FBLN2: variants seen among roughly 807,000 people sequenced by gnomAD.
FBLN2 encodes fibulin 2, also known as fibulin-2.
In FBLN2, 81 loss-of-function variants were observed where a neutral mutation model predicts 123.7. That is an observed-to-expected ratio of 0.65 (90% CI 0.55 to 0.79). FBLN2 has a LOEUF of 0.79. Ranked by LOEUF, FBLN2 falls within the 30% of genes least tolerant of loss-of-function variation. FBLN2 has a pLI of 0.00. For synonymous variants in FBLN2, 699 were observed against 701.4 expected (o/e 1.00, Z 0.05); for missense variants, 1,603 against 1,681.3 (o/e 0.95, Z 0.81).
At chr3:13,617,201 T>TCTACCTAC (rs1248464942) in intron 5 of FBLN2, among the ~76,000 whole-genome samples, 2 of 150,364 alleles carry the variant, frequency 1.3e-5, no homozygotes, top group South Asian at 4.2e-4. Context: ...CATCCATCCA[T>TCTACCTAC]CTACCTACCT....
chr3:13,582,497 T>C (rs1704364916), intron 2 of FBLN2, among the ~76,000 whole-genome samples: 1 of 152,202 alleles, frequency 6.6e-6, no homozygotes, highest in African/African-American at 2.4e-5. Context: ...CAGAATTGTG[T>C]GGGCTGGGGC....
At chr3:13,612,294 CCTTTCTTTCTTTCTTTCTTTCTTTCTTT>C (rs67522122) in intron 4 of FBLN2, among the ~76,000 whole-genome samples, 3 of 117,284 alleles carry the variant, frequency 2.6e-5, no homozygotes, top group East Asian at 2.3e-4. Flanking sequence ...CTTTTATTTT[CCTTTCTTTCTTTCTTTCTTTCTTTCTTT>C]CTTTCTTTCT....
intron 5 of FBLN2, among the ~76,000 whole-genome samples, chr3:13,616,817 C>T (rs1382492616): frequency 6.6e-6 from 1 of 152,180 alleles, no homozygotes; most frequent in Non-Finnish European, 1.5e-5. Context: ...CCAGCACAAC[C>T]CTGGGAGATG....
rs1265657057 is a variant in FBLN2 at position 13,558,564 on chromosome 3, T to G, written c.-42+9356T>G. On this transcript the variant is annotated intron_variant, in intron 1 of 17. Transcript: ENST00000404922. The stretch of plus-strand genomic sequence containing the variant: ...GAAGGCCCTTCTGGGATACTCACAT[T>G]CATAATTCATCCCATCCTCTCTGCC... Among the ~76,000 whole-genome samples the G allele has an allele frequency of 5.9e-5, 9 of 152,104 alleles. No homozygotes were observed. In the South Asian group the frequency reaches 1.7e-3, roughly 28 times the overall value.
At chr3:13,632,688 G>A (rs1706296988) in intron 16 of FBLN2, among the ~76,000 whole-genome samples, 1 of 152,144 alleles carries the variant, frequency 6.6e-6, no homozygotes, top group South Asian at 2.1e-4. Context: ...TGCACAAGGA[G>A]TCCTTTGTGT....
Position 13,630,806 on chromosome 3 carries a change from A to T in FBLN2, c.3076A>T (p.Thr1026Ser). 6.2e-7 allele frequency: 1 copy of T among 1,600,360 alleles called. No homozygotes were observed. Among genetic ancestry groups the T allele is most frequent in the South Asian group, 1.1e-5 (1 of 88,484 alleles). ...QGYQLAEDGH[T>S]CTDIDECAQG... ...CTACCAGCTGGCTGAGGATGGGCAC[A>T]CCTGCACAGGTACCTCTCCCCTGTC... The change falls in exon 15 of 18, where the codon ACC becomes TCC. Residue 1026 changes from threonine to serine, a missense_variant. Thr to Ser is a moderately conservative substitution (Grantham distance 58). Transcript: ENST00000404922.
chr3:13,571,512 A>G lies in FBLN2; in HGVS notation c.1157A>G (p.His386Arg), dbSNP rs1322985954. The G allele has an allele frequency of 6.2e-7, 1 of 1,613,544 alleles. No individual in the cohort carries two copies. Among genetic ancestry groups the G allele is most frequent in the African/African-American group, 1.3e-5 (1 of 74,918 alleles). ...AGGGACCCAGTCAAGCCCAGCCCCC[A>G]CAACATCCTGTCCACATCACTGCCT... ...SPRDPVKPSP[H>R]NILSTSLPDA... The change falls in exon 2 of 18, where the codon CAC becomes CGC. Residue 386 changes from histidine (H) to arginine (R), a missense_variant. Transcript: ENST00000404922.
chr3:13,551,621 G>T (rs990559443), intron 1 of FBLN2, among the ~76,000 whole-genome samples: 4 of 152,130 alleles, frequency 2.6e-5, no homozygotes, highest in Non-Finnish European at 4.4e-5. Flanking sequence ...CCTTGGCCGT[G>T]GGGGGAGTGC....
In FBLN2 at chr3:13,571,266, T is replaced by A. The variant is rs1173691195; in HGVS notation, c.911T>A (p.Leu304Gln). 7.0e-6 allele frequency: 11 copies of A among 1,569,148 alleles called. 1 individual carries two copies. In the South Asian group the frequency reaches 8.2e-5, roughly 12 times the overall value. The change falls in exon 2 of 18, where the codon CTG becomes CAG. Residue 304 changes from leucine (L) to glutamine (Q), a missense_variant. Coordinates refer to ENST00000404922, the MANE Select transcript of FBLN2 (RefSeq NM_001004019.2). ...EQLAAGGHRG[L>Q]DGLPTTAPAG... ...CTGGCAGCAGGTGGCCACAGGGGGC[T>A]GGATGGGCTGCCCACTACAGCCCCA...
rs1034334604 is a variant in FBLN2 at position 13,613,485 on chromosome 3, C to T, written c.1549-499C>T. 2.6e-5 allele frequency among the ~76,000 whole-genome samples: 4 copies of T among 152,216 alleles called. No individual in the cohort carries two copies. In the East Asian group the frequency reaches 7.7e-4, roughly 29 times the overall value. Reference sequence around the variant, plus strand: ...TTTAATTATCTTTAACTTGTAGCTTCCATCTTCAGGGTCACTTCATGGCCC... The same window carrying T: ...TTTAATTATCTTTAACTTGTAGCTTTCATCTTCAGGGTCACTTCATGGCCC... On this transcript the variant is annotated intron_variant, in intron 4 of 17. Transcript: ENST00000404922.
At chr3:13,568,741 A>T in intron 1 of FBLN2, 11 of 979,730 alleles carry the variant, frequency 1.1e-5, no homozygotes, top group Non-Finnish European at 1.2e-5. Flanking sequence ...CGTCTCCTTG[A>T]TTCCCTTCAT....
chr3:13,615,995 C>T (rs1334508996), intron 5 of FBLN2, among the ~76,000 whole-genome samples: 1 of 152,202 alleles, frequency 6.6e-6, no homozygotes, highest in Non-Finnish European at 1.5e-5. Context: ...AGGAAGAGCT[C>T]ATATCCTGTG....
Position 13,614,173 on chromosome 3 carries a change from T to A in FBLN2, c.1729+9T>A. The stretch of plus-strand genomic sequence containing the variant: ...AGCTGCACCACGGAGAGGTGAGTGC[T>A]GCTCTTCCCTGGCTGCGGCATATAG... On this transcript the variant is annotated intron_variant, in intron 5 of 17. Transcript: ENST00000404922. 2 of 1,608,170 alleles carry A rather than the reference T, an allele frequency of 1.2e-6. No individual in the cohort carries two copies. Among genetic ancestry groups the A allele is most frequent in the Non-Finnish European group, 1.7e-6 (2 of 1,178,898 alleles).
chr3:13,615,485 A>T (rs1705567288), intron 5 of FBLN2, among the ~76,000 whole-genome samples: 1 of 152,208 alleles, frequency 6.6e-6, no homozygotes, highest in Non-Finnish European at 1.5e-5. Context: ...CTCTGGAGTC[A>T]GGCAGACTTG....
Position 13,571,009 on chromosome 3 carries a change from G to GGTGGA in FBLN2, c.655_656insTGGAG (p.Gly219ValfsTer57), listed in dbSNP as rs1703926839. ...CAGCCCTGGGGGGTGAGGTCCAGGC[G>GGTGGA]GGTGCAGTCCAGGCAGGCGCAGGGG... On this transcript the variant is annotated frameshift_variant, in exon 2 of 18. Transcript: ENST00000404922. LOFTEE classifies it high-confidence loss of function. 1.2e-5 allele frequency: 19 copies of GGTGGA among 1,597,890 alleles called. No individual in the cohort carries two copies. The highest frequency in any genetic ancestry group is 1.7e-5 in the Admixed American group (1 of 57,326).
chr3:13,569,887 G>A (rs1001779141), intron 1 of FBLN2, among the ~76,000 whole-genome samples: 4 of 152,090 alleles, frequency 2.6e-5, no homozygotes, highest in African/African-American at 4.8e-5. Flanking sequence ...CATGCTGTGG[G>A]TGAGACAGCG....
At position 13,608,102 on chromosome 3, in the gene FBLN2, A is replaced by T; in HGVS notation, c.1347A>T (p.Gly449=). Residue 449 remains glycine (G), a synonymous_variant, in exon 3 of 18, where the codon GGA becomes GGT. Coordinates refer to ENST00000404922, the MANE Select transcript of FBLN2 (RefSeq NM_001004019.2). ...TGATCGAGACTTGCTGCGCAGCCGGACAGCAGTGGGCCATTGACAATGACG... is the reference window on the plus strand; with the variant it reads ...TGATCGAGACTTGCTGCGCAGCCGGTCAGCAGTGGGCCATTGACAATGACG... The part of the protein sequence containing the change: ...KDLIETCCAA[G]QQWAIDNDEC... The T allele has an allele frequency of 6.3e-7, 1 of 1,596,782 alleles. No individual in the cohort carries two copies. The highest frequency in any genetic ancestry group is 8.5e-7 in the Non-Finnish European group (1 of 1,171,850).
At position 13,570,934 on chromosome 3, in the gene FBLN2, C is replaced by T. The variant is rs761230016; in HGVS notation, c.579C>T (p.Tyr193=). 1.3e-5 allele frequency: 21 copies of T among 1,612,764 alleles called. No individual in the cohort carries two copies. The Admixed American group carries it at 1.3e-4, about 10-fold the overall frequency. The change falls in exon 2 of 18, where the codon TAC becomes TAT. Residue 193 remains tyrosine, a synonymous_variant. Transcript: ENST00000404922. Reference sequence around the variant, plus strand: ...AGGAGGGTGACCCCGAGCGACACTACGAAGACCCCTACAGCTATGACCAGG... The same window carrying T: ...AGGAGGGTGACCCCGAGCGACACTATGAAGACCCCTACAGCTATGACCAGG... The part of the protein sequence containing the change: ...DAEEGDPERH[Y]EDPYSYDQEV...
Position 13,638,208 on chromosome 3 carries a change from C to T in FBLN2, c.*289C>T, listed in dbSNP as rs12968. 3.3e-6 allele frequency: 2 copies of T among 612,382 alleles called. No individual in the cohort carries two copies. Among genetic ancestry groups the T allele is most frequent in the Non-Finnish European group, 5.9e-6 (2 of 337,290 alleles). 37.9% of individuals were successfully genotyped at this position (612,382 alleles called of 1,614,324 possible). A position where few individuals can be genotyped will look rare whatever the true frequency, so the allele number is the denominator to read the frequency against. On this transcript the variant is annotated 3_prime_UTR_variant, in exon 18 of 18. Transcript: ENST00000404922. ...TGACCTGAGGACCAGAGACACGCGA[C>T]CATGTTGGGGCTCTTGGACTCCTCT... is the stretch of plus-strand genomic sequence containing the variant.
Sources: gnomAD v4.1 joint callset for allele counts (sites outside exome capture counted in the v4.1 genomes callset) on GRCh38, gnomAD v4.1.1 for gene constraint, MANE v1.5 for transcripts, NCBI Gene and HGNC (gene_info 2026-07-23, HGNC 2026-07-21) for gene names.